Variants in TENM3 observed in about 807,000 individuals in gnomAD.
TENM3 encodes the protein teneurin-3.
In TENM3, 63 loss-of-function variants were observed where a neutral mutation model predicts 255.1. The ratio of observed to expected loss-of-function variants is 0.25; its 90% confidence interval spans 0.20 to 0.30. The LOEUF is 0.30. Among genes scored for constraint, TENM3 ranks in the 10% least tolerant of loss-of-function variants. The pLI is 1.00. For synonymous variants in TENM3, 1,306 were observed against 1,322.3 expected (o/e 0.99, Z 0.27); for missense variants, 2,929 against 3,461.1 (o/e 0.85, Z 3.86).
At chr4:181,977,647 G>C in the TENM3 span, among the ~76,000 whole-genome samples, 1 of 152,068 alleles carries the variant, frequency 6.6e-6, no homozygotes, top group Non-Finnish European at 1.5e-5. Context: ...TAGACCCCTG[G>C]GTCTAAGATA....
the TENM3 span, among the ~76,000 whole-genome samples, chr4:181,451,542 A>G: frequency 1.3e-5 from 2 of 152,272 alleles, no homozygotes; most frequent in Admixed American, 1.3e-4. Context: ...AATCTGGAAG[A>G]TTTTACACCA....
At chr4:181,782,995 A>G in the TENM3 span, among the ~76,000 whole-genome samples, 1 of 152,334 alleles carries the variant, frequency 6.6e-6, no homozygotes, top group Admixed American at 6.5e-5. Context: ...ACAGTTTGTC[A>G]TAATTTCTGT....
At chr4:181,487,497 T>C in the TENM3 span, among the ~76,000 whole-genome samples, 2 of 152,202 alleles carry the variant, frequency 1.3e-5, no homozygotes, top group African/African-American at 2.4e-5. Context: ...AGTATCTTTT[T>C]ACTGTGTTCT....
At chr4:182,220,184 C>T (rs1183913712) in intron 1 of TENM3, among the ~76,000 whole-genome samples, 1 of 151,928 alleles carries the variant, frequency 6.6e-6, no homozygotes, top group East Asian at 1.9e-4. Flanking sequence ...CAAGACTAGC[C>T]TGGCCAACAT....
chr4:181,499,785 A>C, the TENM3 span, among the ~76,000 whole-genome samples: 1 of 152,024 alleles, frequency 6.6e-6, no homozygotes. Context: ...ATAAGTAGAC[A>C]CTCGGGTGTT....
chr4:181,732,668 T>C, the TENM3 span, among the ~76,000 whole-genome samples: 1 of 151,494 alleles, frequency 6.6e-6, no homozygotes, highest in East Asian at 2.0e-4. Flanking sequence ...TTCCAATTAA[T>C]AGAAAATTGG....
intron 1 of TENM3, among the ~76,000 whole-genome samples, chr4:182,262,885 T>C (rs1433869985): frequency 6.6e-6 from 1 of 151,960 alleles, no homozygotes; most frequent in East Asian, 1.9e-4. Context: ...GGCTAATTGT[T>C]TGTATTTTTA....
At chr4:182,346,535 A>AATTTC (rs1764819849) in intron 2 of TENM3, 116 bp from the exon 3 acceptor site, 1 of 984,216 alleles carries the variant, frequency 1.0e-6, no homozygotes, top group Non-Finnish European at 1.5e-6. Context: ...GATCGCTGAA[A>AATTTC]AGCCTAAATG....
chr4:182,315,367 C>T (rs927604662), intron 1 of TENM3, among the ~76,000 whole-genome samples: 26 of 151,008 alleles, frequency 1.7e-4, no homozygotes, highest in African/African-American at 6.3e-4. Flanking sequence ...ATTTCACCTT[C>T]ATTTTTGAGA....
At chr4:182,109,241 TTACTC>T in the TENM3 span, among the ~76,000 whole-genome samples, 1 of 70,238 alleles carries the variant, frequency 1.4e-5, no homozygotes, top group Non-Finnish European at 3.7e-5. Flanking sequence ...AAATTATGCT[TTACTC>T]TATATAACAT....
At chr4:182,037,263 T>A in the TENM3 span, among the ~76,000 whole-genome samples, 2 of 151,914 alleles carry the variant, frequency 1.3e-5, no homozygotes, top group African/African-American at 4.8e-5. Context: ...TTCTCCTGCC[T>A]CGGGCTCCTG....
intron 1 of TENM3, among the ~76,000 whole-genome samples, chr4:182,291,160 T>A (rs1364833122): frequency 2.0e-5 from 3 of 152,112 alleles, no homozygotes; most frequent in Non-Finnish European, 2.9e-5. Flanking sequence ...GATTGATCAG[T>A]AAGTGATATG....
chr4:182,332,708 GAAA>G (rs112751092), intron 2 of TENM3, among the ~76,000 whole-genome samples: 1 of 100,178 alleles, frequency 1.0e-5, no homozygotes, highest in African/African-American at 3.5e-5. Context: ...AAAGAAAAAA[GAAA>G]AAAAAAAAAA....
rs143822706 is a variant in TENM3, at chr4:182,686,483, T to C, written c.2036-1683T>C. ...TGAATCCTAAAGGAAAACACTTTACTGCCTACCTCTTTTGTTGATGTGGAA... is the reference window on the plus strand; with the variant it reads ...TGAATCCTAAAGGAAAACACTTTACCGCCTACCTCTTTTGTTGATGTGGAA... On this transcript the variant is annotated intron_variant, in intron 11 of 27. Coordinates refer to ENST00000511685, the MANE Select transcript of TENM3 (RefSeq NM_001080477.4). 2.6e-5 allele frequency among the ~76,000 whole-genome samples: 4 copies of C among 152,276 alleles called. No homozygotes were observed. In the East Asian group the frequency reaches 7.7e-4, roughly 29 times the overall value.
chr4:181,731,892 A>T, the TENM3 span, among the ~76,000 whole-genome samples: 3 of 152,204 alleles, frequency 2.0e-5, no homozygotes, highest in Admixed American at 2.0e-4. Flanking sequence ...TTGTCCTAAA[A>T]GTCCTACCTC....
chr4:182,672,959 T>C (rs1755340313), intron 6 of TENM3, 46 bp from the exon 7 acceptor site: 1 of 1,378,528 alleles, frequency 7.3e-7, no homozygotes, highest in South Asian at 1.4e-5. Flanking sequence ...TTGTTTTGTT[T>C]TTTTAAAAAA....
chr4:182,067,333 T>C, the TENM3 span, among the ~76,000 whole-genome samples: 1 of 152,178 alleles, frequency 6.6e-6, no homozygotes. Flanking sequence ...AGTGTTCCGC[T>C]GCATGAAACT....
chr4:182,307,487 C>T (rs1762204252), intron 1 of TENM3, among the ~76,000 whole-genome samples: 1 of 152,172 alleles, frequency 6.6e-6, no homozygotes, highest in Admixed American at 6.5e-5. Flanking sequence ...GAGTAGCACT[C>T]ACCTGAGGAA....
the TENM3 span, among the ~76,000 whole-genome samples, chr4:181,664,537 A>T: frequency 2.0e-5 from 3 of 152,146 alleles, no homozygotes; most frequent in African/African-American, 7.2e-5. Flanking sequence ...GGCTTAAATG[A>T]ACTGGTACAT....
Sources: allele counts gnomAD v4.1 joint callset (sites outside exome capture counted in the v4.1 genomes callset), GRCh38; gene constraint gnomAD v4.1.1; transcripts MANE v1.5; gene names NCBI Gene and HGNC (gene_info 2026-07-23, HGNC 2026-07-21).